The following SLC30A2 variants were observed in gnomAD, a reference collection of about 807,000 sequenced individuals.
SLC30A2 encodes proton-coupled zinc antiporter SLC30A2.
In SLC30A2, 19 loss-of-function variants were observed where a neutral mutation model predicts 39.6. That is an observed-to-expected ratio of 0.48 (90% CI 0.34 to 0.70). SLC30A2 has a LOEUF of 0.70. Ranked by LOEUF, SLC30A2 falls within the 30% of genes least tolerant of loss-of-function variation. SLC30A2 has a pLI of 0.01. For synonymous variants in SLC30A2, 195 were observed against 194.8 expected (o/e 1.00, Z -0.01); for missense variants, 387 against 479.4 (o/e 0.81, Z 1.80).
chr1:26,046,117 TCAGCCGCTGCGCCCCGCGGCCGC>T (rs937423200), exon 1 of SLC30A2: 14 of 1,284,006 alleles, frequency 1.1e-5, no homozygotes, highest in Non-Finnish European at 1.4e-5. This position sits in a 1 kb window ranked among gnomAD's most constrained non-coding sequence, Gnocchi z 4.4. Flanking sequence ...GTGTCTCGGG[TCAGCCGCTGCGCCCCGCGGCCGC>T]CGGCTTTATC....
chr1:26,039,406 G>A lies in SLC30A2; in HGVS notation c.974-101C>T. 1 of 895,328 alleles carries A rather than the reference G, an allele frequency of 1.1e-6. No homozygotes were observed. The highest frequency in any genetic ancestry group is 1.7e-6 in the Non-Finnish European group (1 of 581,632). 55.5% of individuals were successfully genotyped at this position (895,328 alleles called of 1,614,324 possible). A position where few individuals can be genotyped will look rare whatever the true frequency, so the allele number is the denominator to read the frequency against. Reference sequence around the variant, plus strand: ...ACCCCATCCCCAGCAGAACAGGATGGGGGACCATGAACATGGAGAAGCCCC... The same window carrying A: ...ACCCCATCCCCAGCAGAACAGGATGAGGGACCATGAACATGGAGAAGCCCC... On this transcript the variant is annotated intron_variant, in intron 7 of 7. Coordinates refer to ENST00000374276, the MANE Select transcript of SLC30A2 (RefSeq NM_001004434.3). This position sits in a 1 kb window ranked among gnomAD's most constrained non-coding sequence, Gnocchi z 4.3.
Position 26,045,906 on chromosome 1 carries a change from C to G in SLC30A2, c.-10G>C, listed in dbSNP as rs762995271. ...TCTCCTTGGCCTCCATGCAGTCCCG[C>G]GCCGAGTCCCGGCAGCCGCGCAGCC... On this transcript the variant is annotated 5_prime_UTR_variant, in exon 1 of 8. Coordinates refer to ENST00000374276, the MANE Select transcript of SLC30A2 (RefSeq NM_001004434.3). 8.1e-6 allele frequency: 13 copies of G among 1,609,820 alleles called. No individual in the cohort carries two copies. In the Admixed American group the frequency reaches 2.0e-4, roughly 25 times the overall value.
chr1:26,039,098 G>A lies in SLC30A2; in HGVS notation c.*62C>T. 2 of 1,583,112 alleles carry A rather than the reference G, an allele frequency of 1.3e-6. No individual in the cohort carries two copies. Among genetic ancestry groups the A allele is most frequent in the Non-Finnish European group, 8.6e-7 (1 of 1,157,928 alleles). ...AGGCAAAGTCCTGGCTGGGCCTGGGGGACACTCAGTCCAGCCACCTGCAGG... is the reference window on the plus strand; with the variant it reads ...AGGCAAAGTCCTGGCTGGGCCTGGGAGACACTCAGTCCAGCCACCTGCAGG... On this transcript the variant is annotated 3_prime_UTR_variant, in exon 8 of 8. Transcript: ENST00000374276. This position sits in a 1 kb window ranked among gnomAD's most constrained non-coding sequence, Gnocchi z 4.3.
chr1:26,044,094 T>C (rs1004615614), intron 3 of SLC30A2, among the ~76,000 whole-genome samples: 43 of 151,968 alleles, frequency 2.8e-4, no homozygotes, highest in African/African-American at 9.2e-4. Flanking sequence ...AGCTCCTGGA[T>C]GACTGGGACC....
chr1:26,045,964 G>T lies in SLC30A2; in HGVS notation c.-68C>A. 6.3e-7 allele frequency: 1 copy of T among 1,593,688 alleles called. No individual in the cohort carries two copies. Among genetic ancestry groups the T allele is most frequent in the South Asian group, 1.1e-5 (1 of 90,478 alleles). On this transcript the variant is annotated 5_prime_UTR_variant, in exon 1 of 8. Coordinates refer to ENST00000374276, the MANE Select transcript of SLC30A2 (RefSeq NM_001004434.3). Reference sequence around the variant, plus strand: ...CGAGTGCGCCCTGAAAGTTGCGCGCGGGACTCCGGGTGGCGCTCACCCACC... The same window carrying T: ...CGAGTGCGCCCTGAAAGTTGCGCGCTGGACTCCGGGTGGCGCTCACCCACC...
chr1:26,041,927 C>A (rs1220641511), intron 5 of SLC30A2, 122 bp from the exon 6 acceptor site: 1 of 634,978 alleles, frequency 1.6e-6, no homozygotes, highest in Middle Eastern at 4.2e-4. Context: ...ATGAGCCTCG[C>A]CCTGGCCCTG....
Position 26,039,211 on chromosome 1 carries a change from G to A in SLC30A2, c.1068C>T (p.Asp356=). ...HFHTVTIQIE[D]YSEDMKDCQA... ...GACAGTCCTTCATGTCCTCCGAGTA[G>A]TCCTCGATCTGGATGGTCACGGTGT... Residue 356 remains aspartate (D), a synonymous_variant, in exon 8 of 8, where the codon GAC becomes GAT. Coordinates refer to ENST00000374276, the MANE Select transcript of SLC30A2 (RefSeq NM_001004434.3). The surrounding 1 kb of genome is among the most constrained non-coding windows in gnomAD (Gnocchi z 4.3). 2 of 1,614,166 alleles carry A rather than the reference G, an allele frequency of 1.2e-6. No homozygotes were observed. Among genetic ancestry groups the A allele is most frequent in the Non-Finnish European group, 1.7e-6 (2 of 1,179,990 alleles).
rs1203052807 is a variant in SLC30A2, at chr1:26,037,917, T to G, written c.*1243A>C. ...GTCAAGACAAACTCAGCACTGCCCC[T>G]GGGGAGGCTGGGAAGCCCACCTGAC... On this transcript the variant is annotated 3_prime_UTR_variant, in exon 8 of 8. Coordinates refer to ENST00000374276, the MANE Select transcript of SLC30A2 (RefSeq NM_001004434.3). The G allele has an allele frequency of 1.3e-5, 2 of 152,216 alleles. No homozygotes were observed. Among genetic ancestry groups the G allele is most frequent in the Non-Finnish European group, 2.9e-5 (2 of 68,034 alleles). The allele number at this position is 152,216 out of a possible 1,614,324, so 9.4% of individuals were successfully genotyped here. A position where few individuals can be genotyped will look rare whatever the true frequency, so the allele number is the denominator to read the frequency against.
In SLC30A2 at chr1:26,039,086, G is replaced by C. The variant is rs2124419785; in HGVS notation, c.*74C>G. ...CACAGCTGGGGTAGGCAAAGTCCTGGCTGGGCCTGGGGGACACTCAGTCCA... is the reference window on the plus strand; with the variant it reads ...CACAGCTGGGGTAGGCAAAGTCCTGCCTGGGCCTGGGGGACACTCAGTCCA... On this transcript the variant is annotated 3_prime_UTR_variant, in exon 8 of 8. Coordinates refer to ENST00000374276, the MANE Select transcript of SLC30A2 (RefSeq NM_001004434.3). This position sits in a 1 kb window ranked among gnomAD's most constrained non-coding sequence, Gnocchi z 4.3. 1 of 1,569,624 alleles carries C rather than the reference G, an allele frequency of 6.4e-7. No homozygotes were observed. Among genetic ancestry groups the C allele is most frequent in the African/African-American group, 1.3e-5 (1 of 74,276 alleles).
At chr1:26,042,846 C>T in intron 4 of SLC30A2, 138 bp from the exon 5 acceptor site, 1 of 733,684 alleles carries the variant, frequency 1.4e-6, no homozygotes. Context: ...AAGTCCAACC[C>T]ACGTGGCCTT....
At chr1:26,043,272 A>G (rs2050420451) in intron 4 of SLC30A2, 126 bp downstream of exon 4, 2 of 1,012,650 alleles carry the variant, frequency 2.0e-6, no homozygotes, top group South Asian at 3.0e-5. Context: ...TCAGACCATT[A>G]GGGAAGTTCT....
chr1:26,041,950 C>T (rs1271023429), intron 5 of SLC30A2, 145 bp from the exon 6 acceptor site: 12 of 612,874 alleles, frequency 2.0e-5, no homozygotes, highest in Non-Finnish European at 2.7e-5. Context: ...TCCCAGTTTT[C>T]TGCTCTTTAT....
At chr1:26,040,032 C>A in intron 6 of SLC30A2, 121 bp from the exon 7 acceptor site, 1 of 1,094,634 alleles carries the variant, frequency 9.1e-7, no homozygotes, top group East Asian at 2.5e-5. Flanking sequence ...CTTTGGCCTG[C>A]AGGTCTGAGG....
At chr1:26,043,651 A>G (rs2050425945) in intron 3 of SLC30A2, 100 bp from the exon 4 acceptor site, 5 of 1,271,680 alleles carry the variant, frequency 3.9e-6, no homozygotes, top group African/African-American at 3.0e-5. Context: ...CTCCCACACA[A>G]AGTCAGGGCC....
chr1:26,045,215 G>T lies in SLC30A2; in HGVS notation c.53C>A (p.Ser18Ter). 2 of 1,609,860 alleles carry T rather than the reference G, an allele frequency of 1.2e-6. No individual in the cohort carries two copies. Among genetic ancestry groups the T allele is most frequent in the South Asian group, 2.2e-5 (2 of 90,930 alleles). The stretch of plus-strand genomic sequence containing the variant: ...TTCCTGCCACAGAGATCCCGTGTAT[G>T]ACCTGGCCAGAGGGGAAGAGAGGGA... The part of the protein sequence containing the change: ...HLLDARPAIR[S>*]YTGSLWQEGA... The change falls in exon 2 of 8, where the codon TCA becomes TAA. Residue 18 changes from serine to a stop codon, truncating the protein, a stop_gained and splice_region_variant. Coordinates refer to ENST00000374276, the MANE Select transcript of SLC30A2 (RefSeq NM_001004434.3). LOFTEE classifies it high-confidence loss of function.
At chr1:26,043,747 G>A (rs1191712460) in intron 3 of SLC30A2, among the ~76,000 whole-genome samples, 196 bp from the exon 4 acceptor site, 1 of 152,144 alleles carries the variant, frequency 6.6e-6, no homozygotes, top group Non-Finnish European at 1.5e-5. Context: ...GTAAGAGCTA[G>A]AAGGAACTAA....
chr1:26,039,957 C>T lies in SLC30A2; in HGVS notation c.839-46G>A. 1 of 1,610,294 alleles carries T rather than the reference C, an allele frequency of 6.2e-7. No homozygotes were observed. Among genetic ancestry groups the T allele is most frequent in the African/African-American group, 1.3e-5 (1 of 74,956 alleles). ...GGAAACTAAAGGAAACTACCCCTCCCACGCCTGCCCATTGGTGCAGGGCTG... is the reference window on the plus strand; with the variant it reads ...GGAAACTAAAGGAAACTACCCCTCCTACGCCTGCCCATTGGTGCAGGGCTG... On this transcript the variant is annotated intron_variant, in intron 6 of 7. Coordinates refer to ENST00000374276, the MANE Select transcript of SLC30A2 (RefSeq NM_001004434.3). This position sits in a 1 kb window ranked among gnomAD's most constrained non-coding sequence, Gnocchi z 4.3.
At position 26,037,596 on chromosome 1, in the gene SLC30A2, C is replaced by T. The variant is rs2050354328; in HGVS notation, c.*1564G>A. On this transcript the variant is annotated 3_prime_UTR_variant, in exon 8 of 8. Transcript: ENST00000374276. ...TACGGCAAAGCCCAGGATCAAGTTC[C>T]TGGGGCCTGCCATGGCTTGGGTGGG... 1.3e-5 allele frequency: 2 copies of T among 149,148 alleles called. No homozygotes were observed. Among genetic ancestry groups the T allele is most frequent in the African/African-American group, 4.9e-5 (2 of 40,694 alleles). The allele number at this position is 149,148 out of a possible 1,614,324, so 9.2% of individuals were successfully genotyped here. A position where few individuals can be genotyped will look rare whatever the true frequency, so the allele number is the denominator to read the frequency against.
intron 5 of SLC30A2, 89 bp downstream of exon 5, chr1:26,042,460 T>G: frequency 8.3e-7 from 1 of 1,210,716 alleles, no homozygotes; most frequent in Non-Finnish European, 1.2e-6. Flanking sequence ...GGGAGGGAGC[T>G]AGAATCTGAA....
Sources: allele counts gnomAD v4.1 joint callset (sites outside exome capture counted in the v4.1 genomes callset), GRCh38; gene constraint gnomAD v4.1.1; non-coding constraint Gnocchi (gnomAD v3.1); transcripts MANE v1.5; gene names NCBI Gene and HGNC (gene_info 2026-07-23, HGNC 2026-07-21).